CNTNAP2: variants seen among roughly 807,000 people sequenced by gnomAD.
The protein encoded by CNTNAP2 is contactin associated protein 2.
CNTNAP2 carries 98 observed loss-of-function variants against 155.2 expected under a neutral mutation model. The ratio of observed to expected loss-of-function variants is 0.63; its 90% CI spans 0.54 to 0.75. The LOEUF (loss-of-function observed/expected upper bound fraction) is 0.75, where lower values mean the gene tolerates loss of function less well. CNTNAP2 is among the 30% of genes least tolerant of loss of function. The pLI is 0.00. For synonymous variants in CNTNAP2, 651 were observed against 631.2 expected (o/e 1.03, Z -0.47); for missense variants, 1,727 against 1,688.1 (o/e 1.02, Z -0.40).
At chr7:147,770,921 G>T (rs1299235971) in intron 13 of CNTNAP2, among the ~76,000 whole-genome samples, 3 of 152,134 alleles carry the variant, frequency 2.0e-5, no homozygotes, top group Non-Finnish European at 4.4e-5. Flanking sequence ...GAAGAACATG[G>T]AAGAAATCTT....
intron 22 of CNTNAP2, among the ~76,000 whole-genome samples, chr7:148,391,401 G>T (rs1799345308): frequency 1.6e-5 from 2 of 121,622 alleles, no homozygotes; most frequent in South Asian, 2.4e-4. Context: ...ATTTTTATAG[G>T]GGGATGAGGT....
At chr7:147,887,202 T>C (rs895709587) in intron 13 of CNTNAP2, among the ~76,000 whole-genome samples, 3 of 152,230 alleles carry the variant, frequency 2.0e-5, no homozygotes, top group Non-Finnish European at 4.4e-5. Flanking sequence ...CCAGGCGTGG[T>C]GGCTCACGCC....
At chr7:146,728,198 A>G (rs142633814) in intron 1 of CNTNAP2, among the ~76,000 whole-genome samples, 35 of 152,244 alleles carry the variant, frequency 2.3e-4, no homozygotes, top group African/African-American at 8.2e-4. Flanking sequence ...TGTTTCAGGT[A>G]AAGCGTTCAT....
chr7:147,639,077 C>T (rs1795232894), intron 12 of CNTNAP2, 29 bp from the exon 13 acceptor site: 1 of 1,608,772 alleles, frequency 6.2e-7, no homozygotes, highest in African/African-American at 1.3e-5. Context: ...ACTAATGATC[C>T]AGGGTCCTGG....
intron 8 of CNTNAP2, among the ~76,000 whole-genome samples, chr7:147,136,218 G>A (rs1249661474): frequency 6.6e-6 from 1 of 151,728 alleles, no homozygotes; most frequent in African/African-American, 2.4e-5. Context: ...CTCAGTTATT[G>A]GAAAAAAATT....
At chr7:147,987,501 C>T (rs544213808) in intron 15 of CNTNAP2, among the ~76,000 whole-genome samples, 1 of 152,210 alleles carries the variant, frequency 6.6e-6, no homozygotes, top group Admixed American at 6.5e-5. Context: ...TGAGCTGATG[C>T]CAGACTTGGT....
At chr7:146,631,343 T>C (rs758729213) in intron 1 of CNTNAP2, among the ~76,000 whole-genome samples, 8 of 152,158 alleles carry the variant, frequency 5.3e-5, no homozygotes, top group African/African-American at 1.9e-4. Context: ...GTGAAATTAA[T>C]ATATTCAAAA....
At chr7:146,674,063 A>G (rs1375500956) in intron 1 of CNTNAP2, among the ~76,000 whole-genome samples, 8 of 152,168 alleles carry the variant, frequency 5.3e-5, no homozygotes, top group Non-Finnish European at 1.2e-4. Flanking sequence ...ATGTCACCAA[A>G]TCGTAGTTGT....
chr7:147,753,781 G>C (rs963976591), intron 13 of CNTNAP2, among the ~76,000 whole-genome samples: 1 of 152,152 alleles, frequency 6.6e-6, no homozygotes, highest in African/African-American at 2.4e-5. Flanking sequence ...TGACAAAGAG[G>C]CTTCGTACAA....
intron 1 of CNTNAP2, among the ~76,000 whole-genome samples, chr7:146,701,581 G>A (rs1381044519): frequency 6.6e-6 from 1 of 152,036 alleles, no homozygotes; most frequent in African/African-American, 2.4e-5. Context: ...ACTTGATAGA[G>A]GAGATATCAT....
intron 21 of CNTNAP2, among the ~76,000 whole-genome samples, chr7:148,298,627 T>A (rs1797327004): frequency 6.6e-6 from 1 of 152,026 alleles, no homozygotes; most frequent in Non-Finnish European, 1.5e-5. Flanking sequence ...CCAACCAAGT[T>A]CCAAGGATTG....
chr7:146,683,249 T>G (rs1394843744), intron 1 of CNTNAP2, among the ~76,000 whole-genome samples: 1 of 152,098 alleles, frequency 6.6e-6, no homozygotes. Flanking sequence ...GCCAGGCTGG[T>G]CTCAACCTCC....
At chr7:148,217,643 G>A (rs1224312033) in intron 19 of CNTNAP2, 119 bp downstream of exon 19, 3 of 1,113,928 alleles carry the variant, frequency 2.7e-6, no homozygotes, top group Admixed American at 3.6e-5. Context: ...TTTTAAGCAA[G>A]TCACATAACT....
At chr7:148,121,696 G>T (rs1266560721) in intron 16 of CNTNAP2, among the ~76,000 whole-genome samples, 1 of 152,076 alleles carries the variant, frequency 6.6e-6, no homozygotes, top group African/African-American at 2.4e-5. Flanking sequence ...GTCAAGAGTG[G>T]AAGATTCTCG....
At chr7:147,073,122 C>CTT (rs59033495) in intron 4 of CNTNAP2, among the ~76,000 whole-genome samples, 30 of 142,200 alleles carry the variant, frequency 2.1e-4, no homozygotes, top group African/African-American at 7.7e-4. Flanking sequence ...AAAGCCTTTT[C>CTT]TTTTTTTTTT....
At chr7:146,782,214 T>A (rs546573087) in intron 2 of CNTNAP2, 13 of 152,318 alleles carry the variant, frequency 8.5e-5, no homozygotes, top group African/African-American at 3.1e-4. Context: ...CACAGGTAAT[T>A]CATTATTACT....
intron 13 of CNTNAP2, among the ~76,000 whole-genome samples, chr7:147,680,973 A>G (rs1223287269): frequency 6.6e-6 from 1 of 152,070 alleles, no homozygotes; most frequent in East Asian, 1.9e-4. Context: ...TAACTCATGT[A>G]TAAAGACAGA....
intron 8 of CNTNAP2, chr7:147,161,666 G>A (rs2116455483): frequency 6.6e-6 from 1 of 152,164 alleles, no homozygotes; most frequent in East Asian, 1.9e-4. Flanking sequence ...TGAAGTATCT[G>A]CTAATCTCTT....
chr7:146,656,820 C>A (rs183918631), intron 1 of CNTNAP2, among the ~76,000 whole-genome samples: 2 of 152,214 alleles, frequency 1.3e-5, no homozygotes, highest in African/African-American at 2.4e-5. Context: ...AGAATGATTG[C>A]CCAAAAGACT....
Sources: allele counts gnomAD v4.1 joint callset (sites outside exome capture counted in the v4.1 genomes callset), GRCh38; gene constraint gnomAD v4.1.1; transcripts MANE v1.5; gene names NCBI Gene and HGNC (gene_info 2026-07-23, HGNC 2026-07-21).